The following ZC4H2 variants were observed in gnomAD, a reference collection of about 807,000 sequenced individuals.
ZC4H2 encodes zinc finger C4H2 domain-containing protein.
For synonymous variants in ZC4H2, 84 were observed against 66.3 expected, an observed-to-expected ratio of 1.27 and a Z score of -1.30; for missense variants, 137 against 173.9, an observed-to-expected ratio of 0.79 and a Z score of 1.19.
chrX:64,960,468 G>A (rs1931344611), intron 1 of ZC4H2, among the ~76,000 whole-genome samples: 1 of 111,382 alleles, frequency 9.0e-6, no homozygotes, highest in Non-Finnish European at 1.9e-5. Context: ...GAGCCCACAT[G>A]GACCTATTTC....
chrX:64,918,929 C>T, intron 4 of ZC4H2, 113 bp downstream of exon 4: 2 of 956,083 alleles, frequency 2.1e-6, no homozygotes, highest in East Asian at 3.3e-5. Context: ...CAAGCAAAGG[C>T]CATTAAAAGA....
chrX:64,919,057 C>T lies in ZC4H2; in HGVS notation c.546G>A (p.Gln182=). The change falls in exon 4 of 5, where the codon CAG becomes CAA. Residue 182 remains glutamine (Q), a synonymous_variant. Transcript: ENST00000374839. ...GCTCACTTACCTTCATAGGTGGGGG[C>T]TGCTGCCTGAAGGTGGCCGTCTGCC... ...DTRQTATFRQ[Q]PPPMKACLSC... 1.0e-5 allele frequency: 12 copies of T among 1,168,720 alleles called. No individual in the cohort carries two copies. Among genetic ancestry groups the T allele is most frequent in the Non-Finnish European group, 1.4e-5 (12 of 871,943 alleles).
rs1928927205 is a variant in ZC4H2, at chrX:64,916,479, T to G, written c.*1304A>C. The G allele has an allele frequency of 8.9e-6, 1 of 112,018 alleles. No homozygotes were observed. The highest frequency in any genetic ancestry group is 3.7e-4 in the South Asian group (1 of 2,678). The allele number at this position is 112,018 out of a possible 1,213,427, so 9.2% of individuals were successfully genotyped here. Reference sequence around the variant, plus strand: ...AAAAGGATTTGTACAGACACAACACTCTTACTTTCAAAGAGCAGAGGAACA... The same window carrying G: ...AAAAGGATTTGTACAGACACAACACGCTTACTTTCAAAGAGCAGAGGAACA... On this transcript the variant is annotated 3_prime_UTR_variant, in exon 5 of 5. Coordinates refer to ENST00000374839, the MANE Select transcript of ZC4H2 (RefSeq NM_018684.4).
chrX:65,030,401 C>A (rs1262579410), intron 1 of ZC4H2, among the ~76,000 whole-genome samples: 1 of 111,899 alleles, frequency 8.9e-6, no homozygotes, highest in African/African-American at 3.3e-5. Context: ...GAGTGAACCA[C>A]TGTGTCTAGC....
At chrX:64,934,947 TC>T (rs1328255849) in intron 1 of ZC4H2, among the ~76,000 whole-genome samples, 6 of 108,620 alleles carry the variant, frequency 5.5e-5, no homozygotes, top group Non-Finnish European at 9.6e-5. Context: ...TTTTTTTTTT[TC>T]CCCCATACCT....
chrX:64,927,348 T>C (rs1212876913), intron 1 of ZC4H2, among the ~76,000 whole-genome samples: 1 of 110,609 alleles, frequency 9.0e-6, no homozygotes, highest in Non-Finnish European at 1.9e-5. Flanking sequence ...GTTCTTTTTG[T>C]TCAACTACCA....
intron 1 of ZC4H2, among the ~76,000 whole-genome samples, chrX:65,004,966 G>C (rs966587032): frequency 2.7e-5 from 3 of 111,332 alleles, no homozygotes; most frequent in African/African-American, 9.8e-5. Flanking sequence ...AATCATGAGT[G>C]AACTCCCATT....
intron 1 of ZC4H2, among the ~76,000 whole-genome samples, chrX:65,004,969 C>A (rs7058538): frequency 1.8e-5 from 2 of 111,141 alleles, no homozygotes; most frequent in Non-Finnish European, 3.8e-5. Context: ...CATGAGTGAA[C>A]TCCCATTCAC....
intron 1 of ZC4H2, among the ~76,000 whole-genome samples, chrX:64,935,661 G>A (rs1429191156): frequency 2.7e-5 from 3 of 111,993 alleles, no homozygotes; most frequent in Non-Finnish European, 5.6e-5. Context: ...TTCAGCCTCC[G>A]CTGGTGATAC....
chrX:65,005,619 T>C (rs182763859), intron 1 of ZC4H2, among the ~76,000 whole-genome samples: 2 of 111,472 alleles, frequency 1.8e-5, no homozygotes, highest in East Asian at 5.6e-4. Flanking sequence ...GAAGAAAACC[T>C]AGGCAATGCC....
chrX:64,938,158 T>A (rs1306476413), intron 1 of ZC4H2, among the ~76,000 whole-genome samples: 1 of 111,874 alleles, frequency 8.9e-6, no homozygotes, highest in African/African-American at 3.3e-5. Flanking sequence ...TATGAACACC[T>A]CTATGCAAAT....
intron 1 of ZC4H2, among the ~76,000 whole-genome samples, chrX:65,002,380 C>A (rs1357920406): frequency 9.2e-6 from 1 of 108,660 alleles, no homozygotes; most frequent in Non-Finnish European, 1.9e-5. Context: ...GGCCAGCCGC[C>A]CCGTCCGGGA....
intron 1 of ZC4H2, among the ~76,000 whole-genome samples, chrX:65,032,782 T>C (rs201594278): frequency 8.5e-4 from 54 of 63,163 alleles, no homozygotes; most frequent in African/African-American, 3.5e-3. Context: ...TCCTTCCTTC[T>C]TTCTTTTTTT....
intron 1 of ZC4H2, among the ~76,000 whole-genome samples, chrX:64,951,459 C>T (rs1453365388): frequency 9.0e-5 from 10 of 111,688 alleles, no homozygotes; most frequent in Non-Finnish European, 1.3e-4. Flanking sequence ...CTCTCCAGCA[C>T]CTGTTGTTTC....
At chrX:64,943,655 C>T (rs1442964669) in intron 1 of ZC4H2, among the ~76,000 whole-genome samples, 1 of 109,213 alleles carries the variant, frequency 9.2e-6, no homozygotes, top group Non-Finnish European at 1.9e-5. Flanking sequence ...GCAGCCCCTG[C>T]TTTTTTTTTG....
At chrX:64,936,845 A>G (rs1477798114) in intron 1 of ZC4H2, among the ~76,000 whole-genome samples, 2 of 111,989 alleles carry the variant, frequency 1.8e-5, no homozygotes, top group Non-Finnish European at 3.8e-5. Flanking sequence ...CATTGACACT[A>G]TGAAGAAACT....
chrX:64,991,443 G>T (rs1322092864), intron 1 of ZC4H2, among the ~76,000 whole-genome samples: 1 of 111,527 alleles, frequency 9.0e-6, no homozygotes, highest in Non-Finnish European at 1.9e-5. Context: ...GGGTGCAGTG[G>T]TGCGAGCCTG....
chrX:65,004,295 C>A (rs373611384), intron 1 of ZC4H2, among the ~76,000 whole-genome samples: 1 of 111,719 alleles, frequency 9.0e-6, no homozygotes, highest in South Asian at 3.8e-4. Flanking sequence ...AAATGTCGGG[C>A]CAATATCCCT....
intron 1 of ZC4H2, among the ~76,000 whole-genome samples, chrX:64,947,347 T>C (rs1467173433): frequency 8.9e-6 from 1 of 111,834 alleles, no homozygotes; most frequent in Non-Finnish European, 1.9e-5. Context: ...GTCAATGAGA[T>C]TCTGCTGGTT....
Sources: allele counts gnomAD v4.1 joint callset (sites outside exome capture counted in the v4.1 genomes callset), GRCh38; gene constraint gnomAD v4.1.1; transcripts MANE v1.5; gene names NCBI Gene and HGNC (gene_info 2026-07-23, HGNC 2026-07-21).